The following EGFL8 variants were observed in gnomAD, a reference collection of about 807,000 sequenced individuals.
EGFL8 encodes the protein EGF like domain multiple 8.
Under a neutral mutation model 39.4 loss-of-function variants are expected in EGFL8, and 32 were observed. That is an observed-to-expected ratio of 0.81 (90% CI 0.61 to 1.09). The LOEUF is 1.09. EGFL8 is among the 50% of genes least tolerant of loss of function. EGFL8 has a pLI of 0.00. For synonymous variants in EGFL8, 177 were observed against 168.5 expected, an observed-to-expected ratio of 1.05 and a Z score of -0.39; for missense variants, 385 against 402.2, an observed-to-expected ratio of 0.96 and a Z score of 0.37.
chr6:32,166,493 C>T lies in EGFL8; in HGVS notation c.102-5C>T, dbSNP rs769920311. On this transcript the variant is annotated splice_polypyrimidine_tract_variant and splice_region_variant and intron_variant, in intron 2 of 8. Coordinates refer to ENST00000333845, the MANE Select transcript of EGFL8 (RefSeq NM_030652.4). The surrounding 1 kb of genome is among the most constrained non-coding windows in gnomAD (Gnocchi z 7.3). Reference sequence around the variant, plus strand: ...CTCCCACCTCATCCTCTGGCATGGACGCAGTCAGGGAGTCTGCTCCAAGCA... The same window carrying T: ...CTCCCACCTCATCCTCTGGCATGGATGCAGTCAGGGAGTCTGCTCCAAGCA... 4 of 1,613,456 alleles carry T rather than the reference C, an allele frequency of 2.5e-6. No homozygotes were observed. Among genetic ancestry groups the T allele is most frequent in the South Asian group, 1.1e-5 (1 of 91,090 alleles).
In EGFL8 at chr6:32,167,432, G is replaced by A. The variant is rs775850500; in HGVS notation, c.681+3G>A. 5.6e-6 allele frequency: 9 copies of A among 1,612,838 alleles called. No homozygotes were observed. Among genetic ancestry groups the A allele is most frequent in the South Asian group, 2.2e-5 (2 of 91,088 alleles). On this transcript the variant is annotated splice_donor_region_variant and intron_variant, in intron 7 of 8. Coordinates refer to ENST00000333845, the MANE Select transcript of EGFL8 (RefSeq NM_030652.4). This position sits in a 1 kb window ranked among gnomAD's most constrained non-coding sequence, Gnocchi z 6.4. ...GGCGCCTGGAGCGGCTGGAGCAGGT[G>A]AGCCAAGCCTGCTGGGTGGGGCGAG...
At position 32,167,004 on chromosome 6, in the gene EGFL8, G is replaced by T. The variant is rs148420188; in HGVS notation, c.429G>T (p.Val143=). The T allele has an allele frequency of 7.1e-5, 115 of 1,613,012 alleles. No homozygotes were observed. Among genetic ancestry groups the T allele is most frequent in the Non-Finnish European group, 9.5e-5 (112 of 1,180,000 alleles). Residue 143 remains valine (V), a splice_region_variant and synonymous_variant, in exon 5 of 9, where the codon GTG becomes GTT. Coordinates refer to ENST00000333845, the MANE Select transcript of EGFL8 (RefSeq NM_030652.4). This position sits in a 1 kb window ranked among gnomAD's most constrained non-coding sequence, Gnocchi z 6.4. ...APGWGGKHCH[V]DVDECRTSIT... is the part of the protein sequence containing the mutation. ...GCTGGGGAGGGAAGCACTGTCATGT[G>T]GGTGAGTCAGCTTGTCCTCCCCACC...
rs569044494 is a variant in EGFL8, at chr6:32,166,026, T to G, written c.-28-112T>G. ...AATCCTGGTGGCTAGTATGTAAAAG[T>G]GAATGTCCTGACTCCCTTAGAGGGT... On this transcript the variant is annotated intron_variant, in intron 1 of 8. Coordinates refer to ENST00000333845, the MANE Select transcript of EGFL8 (RefSeq NM_030652.4). This position sits in a 1 kb window ranked among gnomAD's most constrained non-coding sequence, Gnocchi z 7.3. The G allele has an allele frequency of 8.9e-4, 696 of 785,922 alleles. No individual in the cohort carries two copies. Among genetic ancestry groups the G allele is most frequent in the Non-Finnish European group, 1.3e-3 (591 of 456,894 alleles). The allele number at this position is 785,922 out of a possible 1,614,324, so 48.7% of individuals were successfully genotyped here.
rs190380146 is a variant in EGFL8, at chr6:32,164,820, G to T, written c.-29+163G>T. 556 of 611,752 alleles carry T rather than the reference G, an allele frequency of 9.1e-4. 2 individuals carry two copies. The African/African-American group carries it at 9.1e-3, about 10-fold the overall frequency. The allele number at this position is 611,752 out of a possible 1,614,324, so 37.9% of individuals were successfully genotyped here. A position where few individuals can be genotyped will look rare whatever the true frequency, so the allele number is the denominator to read the frequency against. Reference sequence around the variant, plus strand: ...ATGTGACGGTGTGGGTATATGAGGGGAGTAGCAGTGTGTGAAAGGTGTGGA... The same window carrying T: ...ATGTGACGGTGTGGGTATATGAGGGTAGTAGCAGTGTGTGAAAGGTGTGGA... On this transcript the variant is annotated intron_variant, in intron 1 of 8. Transcript: ENST00000333845. The surrounding 1 kb of genome is among the most constrained non-coding windows in gnomAD (Gnocchi z 5.4).
At position 32,167,729 on chromosome 6, in the gene EGFL8, T is replaced by G; in HGVS notation, c.835+73T>G. 1 of 1,554,530 alleles carries G rather than the reference T, an allele frequency of 6.4e-7. No homozygotes were observed. On this transcript the variant is annotated intron_variant, in intron 8 of 8. Coordinates refer to ENST00000333845, the MANE Select transcript of EGFL8 (RefSeq NM_030652.4). The surrounding 1 kb of genome is among the most constrained non-coding windows in gnomAD (Gnocchi z 6.4). The stretch of plus-strand genomic sequence containing the variant: ...CCCAAGACCCCTCTCCATTCAGGCA[T>G]TCCCTCTTTCCTCCAAGCCCCTCTC...
At position 32,167,370 on chromosome 6, in the gene EGFL8, G is replaced by A. The variant is rs1561837093; in HGVS notation, c.622G>A (p.Glu208Lys). 8 of 1,612,962 alleles carry A rather than the reference G, an allele frequency of 5.0e-6. No individual in the cohort carries two copies. The Admixed American group carries it at 1.0e-4, about 20-fold the overall frequency. The change falls in exon 7 of 9, where the codon GAG (glutamate) becomes AAG (lysine). Residue 208 changes from glutamate (E) to lysine (K), a missense_variant. Coordinates refer to ENST00000333845, the MANE Select transcript of EGFL8 (RefSeq NM_030652.4). The surrounding 1 kb of genome is among the most constrained non-coding windows in gnomAD (Gnocchi z 6.4). ...SVAVREAEKD[E>K]RALKQEIHEL... ...CCTAGTTCGGGAGGCGGAAAAAGAT[G>A]AGCGCGCTCTGAAGCAGGAGATTCA...
chr6:32,168,185 TAAC>T lies in EGFL8; in HGVS notation c.*232_*234del. ...GGCAAGAACTGCTTCTTCAATTCCT[TAAC>T]AAATGCAACCACCAACACCCAGATC... On this transcript the variant is annotated 3_prime_UTR_variant, in exon 9 of 9. Coordinates refer to ENST00000333845, the MANE Select transcript of EGFL8 (RefSeq NM_030652.4). This position sits in a 1 kb window ranked among gnomAD's most constrained non-coding sequence, Gnocchi z 4.5. 2 of 503,732 alleles carry T rather than the reference TAAC, an allele frequency of 4.0e-6. No homozygotes were observed. 31.2% of individuals were successfully genotyped at this position (503,732 alleles called of 1,614,324 possible).
In EGFL8 at chr6:32,167,143, G is replaced by A. The variant is rs770811074; in HGVS notation, c.487G>A (p.Ala163Thr). The A allele has an allele frequency of 6.2e-7, 1 of 1,613,050 alleles. No homozygotes were observed. Among genetic ancestry groups the A allele is most frequent in the Non-Finnish European group, 8.5e-7 (1 of 1,180,036 alleles). The change falls in exon 6 of 9, where the codon GCA (alanine) becomes ACA (threonine). Residue 163 changes from alanine (A) to threonine (T), a missense_variant. Physicochemically the swap from Ala to Thr is moderately conservative, Grantham distance 58. Transcript: ENST00000333845. This position sits in a 1 kb window ranked among gnomAD's most constrained non-coding sequence, Gnocchi z 6.4. ...TLCSHHCFNT[A>T]GSFTCGCPHD... Reference sequence around the variant, plus strand: ...CTGCTCGCACCATTGTTTTAATACGGCAGGCAGCTTCACCTGCGGCTGCCC... The same window carrying A: ...CTGCTCGCACCATTGTTTTAATACGACAGGCAGCTTCACCTGCGGCTGCCC...
In EGFL8 at chr6:32,166,780, A is replaced by T. The variant is rs867897965; in HGVS notation, c.304A>T (p.Lys102Ter). 1 of 1,571,696 alleles carries T rather than the reference A, an allele frequency of 6.4e-7. No homozygotes were observed. Among genetic ancestry groups the T allele is most frequent in the African/African-American group, 1.4e-5 (1 of 73,812 alleles). Reference sequence around the variant, plus strand: ...TGCAGTGTGCTGCCAGGGCTGGAAGAAGCGGCACCCGGGGGCGCTCACCTG... The same window carrying T: ...TGCAGTGTGCTGCCAGGGCTGGAAGTAGCGGCACCCGGGGGCGCTCACCTG... ...THAVCCQGWK[K>*]RHPGALTCEA... The change falls in exon 4 of 9, where the codon AAG becomes TAG. Residue 102 changes from lysine to a stop codon, truncating the protein, a stop_gained. Transcript: ENST00000333845. LOFTEE classifies it high-confidence loss of function. The surrounding 1 kb of genome is among the most constrained non-coding windows in gnomAD (Gnocchi z 7.3).
Position 32,164,820 on chromosome 6 carries a change from G to A in EGFL8, c.-29+163G>A, listed in dbSNP as rs190380146. On this transcript the variant is annotated intron_variant, in intron 1 of 8. Coordinates refer to ENST00000333845, the MANE Select transcript of EGFL8 (RefSeq NM_030652.4). The surrounding 1 kb of genome is among the most constrained non-coding windows in gnomAD (Gnocchi z 5.4). ...ATGTGACGGTGTGGGTATATGAGGG[G>A]AGTAGCAGTGTGTGAAAGGTGTGGA... 1.1e-5 allele frequency: 7 copies of A among 611,756 alleles called. No individual in the cohort carries two copies. Among genetic ancestry groups the A allele is most frequent in the Non-Finnish European group, 2.1e-5 (7 of 334,254 alleles). The allele number at this position is 611,756 out of a possible 1,614,324, so 37.9% of individuals were successfully genotyped here.
chr6:32,166,943 T>C lies in EGFL8; in HGVS notation c.368T>C (p.Val123Ala), dbSNP rs1784551918. 6.2e-7 allele frequency: 1 copy of C among 1,612,590 alleles called. No individual in the cohort carries two copies. Among genetic ancestry groups the C allele is most frequent in the South Asian group, 1.1e-5 (1 of 91,038 alleles). The change falls in exon 5 of 9, where the codon GTC (valine) becomes GCC (alanine). Residue 123 changes from valine to alanine, a missense_variant. By Grantham distance (64) the Val-to-Ala change is moderately conservative. Transcript: ENST00000333845. The surrounding 1 kb of genome is among the most constrained non-coding windows in gnomAD (Gnocchi z 7.3). The part of the protein sequence containing the change: ...ICAKPCLNGG[V>A]CVRPDQCECA... The stretch of plus-strand genomic sequence containing the variant: ...GCCAAGCCTTGCCTGAACGGAGGCG[T>C]CTGCGTTAGGCCTGACCAGTGCGAG...
rs1205156220 is a variant in EGFL8, at chr6:32,166,603, C to G, written c.207C>G (p.Arg69=). ...KPYLTLCAGR[R]ICSTYRTMYR... Reference sequence around the variant, plus strand: ...ACCTGACCTTGTGCGCTGGGAGGCGCATCTGCAGCACTTACAGGTGAGGGA... The same window carrying G: ...ACCTGACCTTGTGCGCTGGGAGGCGGATCTGCAGCACTTACAGGTGAGGGA... Residue 69 remains arginine (R), a synonymous_variant, in exon 3 of 9, where the codon CGC becomes CGG. Transcript: ENST00000333845. This position sits in a 1 kb window ranked among gnomAD's most constrained non-coding sequence, Gnocchi z 7.3. The G allele has an allele frequency of 6.2e-7, 1 of 1,614,220 alleles. No individual in the cohort carries two copies.
At position 32,166,178 on chromosome 6, in the gene EGFL8, G is replaced by A. The variant is rs1268325711; in HGVS notation, c.13G>A (p.Ala5Thr). The change falls in exon 2 of 9, where the codon GCT becomes ACT. Residue 5 changes from alanine (A) to threonine (T), a missense_variant. Coordinates refer to ENST00000333845, the MANE Select transcript of EGFL8 (RefSeq NM_030652.4). This position sits in a 1 kb window ranked among gnomAD's most constrained non-coding sequence, Gnocchi z 7.3. MGSR[A>T]ELCTLLGGFS... is the part of the protein sequence containing the mutation. The stretch of plus-strand genomic sequence containing the variant: ...GTCAAAGCGAATCATGGGGTCCAGG[G>A]CTGAGCTGTGCACTCTCTTAGGCGG... 1 of 1,614,110 alleles carries A rather than the reference G, an allele frequency of 6.2e-7. No individual in the cohort carries two copies. The highest frequency in any genetic ancestry group is 8.5e-7 in the Non-Finnish European group (1 of 1,180,014).
Position 32,167,401 on chromosome 6 carries a change from TGCGAGGGCGCCTGG to T in EGFL8, c.654_667del (p.Arg219AlafsTer22). 1 of 1,613,058 alleles carries T rather than the reference TGCGAGGGCGCCTGG, an allele frequency of 6.2e-7. No homozygotes were observed. The highest frequency in any genetic ancestry group is 1.3e-5 in the African/African-American group (1 of 75,076). On this transcript the variant is annotated frameshift_variant, in exon 7 of 9. Transcript: ENST00000333845. LOFTEE classifies it high-confidence loss of function. The surrounding 1 kb of genome is among the most constrained non-coding windows in gnomAD (Gnocchi z 6.4). ...GCTCTGAAGCAGGAGATTCACGAGC[TGCGAGGGCGCCTGG>T]AGCGGCTGGAGCAGGTGAGCCAAGC...
rs767146375 is a variant in EGFL8, at chr6:32,167,053, CCT to C, written c.431-28_431-27del. 4.6e-5 allele frequency: 74 copies of C among 1,612,910 alleles called. No homozygotes were observed. The highest frequency in any genetic ancestry group is 6.7e-5 in the Admixed American group (4 of 60,008). On this transcript the variant is annotated intron_variant, in intron 5 of 8. Coordinates refer to ENST00000333845, the MANE Select transcript of EGFL8 (RefSeq NM_030652.4). This position sits in a 1 kb window ranked among gnomAD's most constrained non-coding sequence, Gnocchi z 6.4. ...CCTACCCAGGTGCTTGCCCCCGCCC[CCT>C]CTCTCAGCCCCTTCCTTTTTTCGGT...
Position 32,168,041 on chromosome 6 carries a change from G to C in EGFL8, c.*85G>C. 1 of 1,363,536 alleles carries C rather than the reference G, an allele frequency of 7.3e-7. No individual in the cohort carries two copies. The highest frequency in any genetic ancestry group is 1.0e-6 in the Non-Finnish European group (1 of 954,262). The allele number at this position is 1,363,536 out of a possible 1,614,324, so 84.5% of individuals were successfully genotyped here. On this transcript the variant is annotated 3_prime_UTR_variant, in exon 9 of 9. Transcript: ENST00000333845. This position sits in a 1 kb window ranked among gnomAD's most constrained non-coding sequence, Gnocchi z 4.5. ...TGGGATTGGCCGACTGTGAGCTGCA[G>C]ATAAGGCTATCAGCCACCAAAGAGC...
chr6:32,168,122 C>G lies in EGFL8; in HGVS notation c.*166C>G. ...GAAAGGGGGAGGCCTGTGTTCTTGG[C>G]CTGCCCCTGAGTCTTCTGGCTGGGG... On this transcript the variant is annotated 3_prime_UTR_variant, in exon 9 of 9. Coordinates refer to ENST00000333845, the MANE Select transcript of EGFL8 (RefSeq NM_030652.4). The surrounding 1 kb of genome is among the most constrained non-coding windows in gnomAD (Gnocchi z 4.5). 1 of 691,152 alleles carries G rather than the reference C, an allele frequency of 1.4e-6. No homozygotes were observed. The highest frequency in any genetic ancestry group is 2.8e-5 in the East Asian group (1 of 36,178). 42.8% of individuals were successfully genotyped at this position (691,152 alleles called of 1,614,324 possible).
chr6:32,167,054 C>A lies in EGFL8; in HGVS notation c.431-33C>A. On this transcript the variant is annotated intron_variant, in intron 5 of 8. Coordinates refer to ENST00000333845, the MANE Select transcript of EGFL8 (RefSeq NM_030652.4). The surrounding 1 kb of genome is among the most constrained non-coding windows in gnomAD (Gnocchi z 6.4). ...CTACCCAGGTGCTTGCCCCCGCCCC[C>A]TCTCTCAGCCCCTTCCTTTTTTCGG... is the stretch of plus-strand genomic sequence containing the variant. 1 of 1,612,878 alleles carries A rather than the reference C, an allele frequency of 6.2e-7. No individual in the cohort carries two copies. Among genetic ancestry groups the A allele is most frequent in the Non-Finnish European group, 8.5e-7 (1 of 1,179,896 alleles).
chr6:32,164,833 T>A lies in EGFL8; in HGVS notation c.-29+176T>A, dbSNP rs1784374019. Among the ~76,000 whole-genome samples the A allele has an allele frequency of 3.3e-5, 5 of 152,234 alleles. No individual in the cohort carries two copies. The South Asian group carries it at 1.0e-3, about 32-fold the overall frequency. ...GGTATATGAGGGGAGTAGCAGTGTG[T>A]GAAAGGTGTGGAGTTTCCAGGTGCT... On this transcript the variant is annotated intron_variant, in intron 1 of 8. Coordinates refer to ENST00000333845, the MANE Select transcript of EGFL8 (RefSeq NM_030652.4). This position sits in a 1 kb window ranked among gnomAD's most constrained non-coding sequence, Gnocchi z 5.4.
Sources: allele counts gnomAD v4.1 joint callset (sites outside exome capture counted in the v4.1 genomes callset), GRCh38; gene constraint gnomAD v4.1.1; non-coding constraint Gnocchi (gnomAD v3.1); transcripts MANE v1.5; gene names NCBI Gene and HGNC (gene_info 2026-07-23, HGNC 2026-07-21).